EFR3B: variants seen among roughly 807,000 people sequenced by gnomAD.
The protein encoded by EFR3B is EFR3 homolog B, also known as protein EFR3 homolog B.
A neutral mutation model predicts 104.7 loss-of-function variants in EFR3B; 64 were observed. The observed-to-expected ratio is 0.61, with a 90% CI of 0.50 to 0.75. The LOEUF is 0.75. EFR3B is among the 30% of genes least tolerant of loss of function. EFR3B has a pLI of 0.00. For missense variants in EFR3B, 750 were observed against 1,078.5 expected, an observed-to-expected ratio of 0.70 and a Z score of 4.27; for synonymous variants, 385 against 417.9, an observed-to-expected ratio of 0.92 and a Z score of 0.96.
chr2:25,127,020 T>C (rs1283116141), intron 5 of EFR3B, among the ~76,000 whole-genome samples: 3 of 151,432 alleles, frequency 2.0e-5, no homozygotes, highest in Admixed American at 6.6e-5. Context: ...GGTGAAACCC[T>C]GTCTCTACTA....
intron 12 of EFR3B, among the ~76,000 whole-genome samples, chr2:25,134,643 C>T (rs190695311): frequency 1.3e-4 from 20 of 152,244 alleles, no homozygotes; most frequent in African/African-American, 4.8e-4. Context: ...TCACACCTTC[C>T]CTTCCCTCCC....
At chr2:25,145,170 T>A in intron 19 of EFR3B, 119 bp downstream of exon 19, 1 of 875,570 alleles carries the variant, frequency 1.1e-6, no homozygotes, top group Non-Finnish European at 1.8e-6. Context: ...GTTTCTCGAG[T>A]AATTCCACAC....
chr2:25,106,025 C>T (rs1220202864), intron 4 of EFR3B, among the ~76,000 whole-genome samples: 1 of 152,238 alleles, frequency 6.6e-6, no homozygotes, highest in Non-Finnish European at 1.5e-5. Flanking sequence ...GGAAGGCAGC[C>T]TTTTCTCTTG....
intron 3 of EFR3B, among the ~76,000 whole-genome samples, chr2:25,096,159 G>A (rs1302385100): frequency 6.6e-6 from 1 of 152,162 alleles, no homozygotes; most frequent in Non-Finnish European, 1.5e-5. Context: ...GGGACTACAG[G>A]CACGTGCCAC....
At position 25,128,125 on chromosome 2, in the gene EFR3B, A is replaced by G; in HGVS notation, c.486-58A>G. 2.6e-6 allele frequency: 4 copies of G among 1,544,064 alleles called. No homozygotes were observed. The South Asian group carries it at 4.8e-5, about 19-fold the overall frequency. On this transcript the variant is annotated intron_variant, in intron 5 of 22. Transcript: ENST00000403714. ...GCTGTGCTCTTCTCTTAGCCACCGA[A>G]GCTGGACTTCTCAGGGCTAGAGGAC...
intron 1 of EFR3B, among the ~76,000 whole-genome samples, chr2:25,087,354 CAT>C (rs1668981327): frequency 8.0e-6 from 1 of 125,702 alleles, no homozygotes; most frequent in South Asian, 2.8e-4. Flanking sequence ...ATAAAATCTT[CAT>C]ATATGTATAT....
At chr2:25,150,902 C>CA (rs1396772021) in intron 20 of EFR3B, among the ~76,000 whole-genome samples, 1 of 152,042 alleles carries the variant, frequency 6.6e-6, no homozygotes, top group East Asian at 1.9e-4. Flanking sequence ...TAACCCACTG[C>CA]ACCTGGCTAT....
At chr2:25,143,695 C>T (rs1341101111) in intron 17 of EFR3B, 40 bp from the exon 18 acceptor site, 1 of 1,550,312 alleles carries the variant, frequency 6.5e-7, no homozygotes, top group Admixed American at 2.0e-5. Flanking sequence ...ATTCTAGATA[C>T]CGCGGTTCTA....
intron 1 of EFR3B, among the ~76,000 whole-genome samples, chr2:25,061,638 C>T (rs1668198708): frequency 6.6e-6 from 1 of 151,820 alleles, no homozygotes; most frequent in Non-Finnish European, 1.5e-5. Context: ...GGATTACAGG[C>T]GTGCGCCACC....
At chr2:25,059,924 T>G (rs1239648337) in intron 1 of EFR3B, among the ~76,000 whole-genome samples, 1 of 145,452 alleles carries the variant, frequency 6.9e-6, no homozygotes, top group African/African-American at 2.6e-5. Context: ...CCAGGTGCAG[T>G]GGCTTAGGCC....
In EFR3B at chr2:25,042,531, C is replaced by G; in HGVS notation, c.7+212C>G. 8.3e-7 allele frequency: 1 copy of G among 1,207,424 alleles called. No individual in the cohort carries two copies. The highest frequency in any genetic ancestry group is 1.0e-6 in the Non-Finnish European group (1 of 972,532). The allele number at this position is 1,207,424 out of a possible 1,614,324, so 74.8% of individuals were successfully genotyped here. A position where few individuals can be genotyped will look rare whatever the true frequency, so the allele number is the denominator to read the frequency against. Reference sequence around the variant, plus strand: ...GGGGACCCTGGGGTCCTCTCCAGGCCCGGCGCGTGCCGGTGCTGGGCGGTG... The same window carrying G: ...GGGGACCCTGGGGTCCTCTCCAGGCGCGGCGCGTGCCGGTGCTGGGCGGTG... On this transcript the variant is annotated intron_variant, in intron 1 of 22. Coordinates refer to ENST00000403714, the MANE Select transcript of EFR3B (RefSeq NM_014971.2). This position sits in a 1 kb window ranked among gnomAD's most constrained non-coding sequence, Gnocchi z 5.4.
At position 25,090,647 on chromosome 2, in the gene EFR3B, G is replaced by A. The variant is rs202010322; in HGVS notation, c.8-678G>A. ...AGGCCCTGCCCAACTCTAAAAGGCCGCAGTTTTCAAATTCCACTGTCACAC... is the reference window on the plus strand; with the variant it reads ...AGGCCCTGCCCAACTCTAAAAGGCCACAGTTTTCAAATTCCACTGTCACAC... On this transcript the variant is annotated intron_variant, in intron 1 of 22. Transcript: ENST00000403714. Among the ~76,000 whole-genome samples the A allele has an allele frequency of 7.2e-5, 11 of 152,306 alleles. No homozygotes were observed. In the East Asian group the frequency reaches 7.7e-4, roughly 11 times the overall value.
At chr2:25,122,019 T>C (rs887784829) in intron 5 of EFR3B, among the ~76,000 whole-genome samples, 4 of 151,156 alleles carry the variant, frequency 2.6e-5, no homozygotes, top group African/African-American at 9.7e-5. Context: ...CAGGCTAGAG[T>C]GCAGTGGCGC....
Position 25,042,396 on chromosome 2 carries a change from C to G in EFR3B, c.7+77C>G. On this transcript the variant is annotated intron_variant, in intron 1 of 22. Transcript: ENST00000403714. This position sits in a 1 kb window ranked among gnomAD's most constrained non-coding sequence, Gnocchi z 5.4. Reference sequence around the variant, plus strand: ...CTTCCCCGGCGCGGACCATTGTCCCCCTGCACGGCCCTGGCGCGGGGCCAG... The same window carrying G: ...CTTCCCCGGCGCGGACCATTGTCCCGCTGCACGGCCCTGGCGCGGGGCCAG... The G allele has an allele frequency of 8.1e-7, 1 of 1,228,320 alleles. No homozygotes were observed. The highest frequency in any genetic ancestry group is 3.1e-4 in the Middle Eastern group (1 of 3,232). 76.1% of individuals were successfully genotyped at this position (1,228,320 alleles called of 1,614,324 possible). A position where few individuals can be genotyped will look rare whatever the true frequency, so the allele number is the denominator to read the frequency against.
At position 25,137,252 on chromosome 2, in the gene EFR3B, C is replaced by G. The variant is rs535309823; in HGVS notation, c.1561-89C>G. ...GGAGGGGGCACACAGCCATCCTGCCCCCCTTCAGATTGGTCTTCCTCCGTG... is the reference window on the plus strand; with the variant it reads ...GGAGGGGGCACACAGCCATCCTGCCGCCCTTCAGATTGGTCTTCCTCCGTG... On this transcript the variant is annotated intron_variant, in intron 14 of 22. Transcript: ENST00000403714. This position sits in a 1 kb window ranked among gnomAD's most constrained non-coding sequence, Gnocchi z 4.7. 25 of 1,439,752 alleles carry G rather than the reference C, an allele frequency of 1.7e-5. No homozygotes were observed. In the African/African-American group the frequency reaches 3.1e-4, roughly 18 times the overall value. The allele number at this position is 1,439,752 out of a possible 1,614,324, so 89.2% of individuals were successfully genotyped here.
At chr2:25,110,275 C>T (rs1669688942) in intron 4 of EFR3B, among the ~76,000 whole-genome samples, 1 of 152,178 alleles carries the variant, frequency 6.6e-6, no homozygotes, top group African/African-American at 2.4e-5. Context: ...CCTTCTCTAC[C>T]CTAATGCCCC....
At chr2:25,149,890 C>G (rs1307358836) in intron 20 of EFR3B, 148 bp downstream of exon 20, 1 of 761,148 alleles carries the variant, frequency 1.3e-6, no homozygotes, top group African/African-American at 1.7e-5. Context: ...TTGACAAACT[C>G]ATCACAGCCA....
intron 1 of EFR3B, among the ~76,000 whole-genome samples, chr2:25,051,328 G>A (rs1467405770): frequency 1.3e-5 from 2 of 151,842 alleles, no homozygotes; most frequent in African/African-American, 2.4e-5. Flanking sequence ...TTGGCCAGGC[G>A]GGTCTCGACC....
At chr2:25,063,936 A>G (rs916787796) in intron 1 of EFR3B, among the ~76,000 whole-genome samples, 1 of 152,174 alleles carries the variant, frequency 6.6e-6, no homozygotes, top group African/African-American at 2.4e-5. Context: ...GGGACTTCCT[A>G]CCTCGTGCAG....
Sources: gnomAD v4.1 joint callset for allele counts (sites outside exome capture counted in the v4.1 genomes callset) on GRCh38, gnomAD v4.1.1 for gene constraint, Gnocchi (gnomAD v3.1) non-coding constraint, MANE v1.5 for transcripts, NCBI Gene and HGNC (gene_info 2026-07-23, HGNC 2026-07-21) for gene names.